NBAS: variants seen among roughly 807,000 people sequenced by gnomAD.
The protein encoded by NBAS is NBAS subunit of NRZ tethering complex, also known as NAG/BC035112 fusion.
Under a neutral mutation model 302.5 loss-of-function variants are expected in NBAS, and 219 were observed. The observed-to-expected ratio is 0.72, with a 90% CI of 0.65 to 0.81. The LOEUF (loss-of-function observed/expected upper bound fraction) is 0.81. Ranked by LOEUF, NBAS falls within the 30% of genes least tolerant of loss-of-function variation. The pLI is 0.00. For missense variants in NBAS, 2,932 were observed against 2,841.6 expected (o/e 1.03, Z -0.72); for synonymous variants, 1,118 against 1,021.6 (o/e 1.09, Z -1.80).
the NBAS span, among the ~76,000 whole-genome samples, chr2:14,947,912 G>A: frequency 1.3e-5 from 2 of 151,882 alleles, no homozygotes; most frequent in African/African-American, 4.8e-5. Context: ...TTAATGTGAT[G>A]TATCATTATT....
the NBAS span, among the ~76,000 whole-genome samples, chr2:14,789,996 T>C: frequency 6.6e-6 from 1 of 152,218 alleles, no homozygotes; most frequent in South Asian, 2.1e-4. Flanking sequence ...AAGAATTACA[T>C]TTATTGAGCT....
At chr2:15,549,323 A>G (rs1664265765) in intron 6 of NBAS, among the ~76,000 whole-genome samples, 1 of 152,144 alleles carries the variant, frequency 6.6e-6, no homozygotes, top group South Asian at 2.1e-4. Context: ...GGATTACTAG[A>G]GGGCATACAG....
the NBAS span, among the ~76,000 whole-genome samples, chr2:15,068,286 G>A: frequency 4.6e-5 from 7 of 152,174 alleles, no homozygotes; most frequent in Non-Finnish European, 8.8e-5. Context: ...TATGTGGGGG[G>A]AAACATCTGT....
In NBAS at chr2:15,292,839, G is replaced by A. The variant is rs1670373488; in HGVS notation, c.4798-73C>T. On this transcript the variant is annotated intron_variant, in intron 40 of 51. Coordinates refer to ENST00000281513, the MANE Select transcript of NBAS (RefSeq NM_015909.4). ...ACGAGCAAGTGAGTAACAAATGGAA[G>A]AAGACCATGTCTGCAAGGAACTGTT... 18 of 1,395,014 alleles carry A rather than the reference G, an allele frequency of 1.3e-5. 1 individual carries two copies. The South Asian group carries it at 1.9e-4, about 15-fold the overall frequency. The allele number at this position is 1,395,014 out of a possible 1,614,324, so 86.4% of individuals were successfully genotyped here.
In NBAS at chr2:15,471,742, T is replaced by C. The variant is rs187119199; in HGVS notation, c.1725+1480A>G. 7.2e-5 allele frequency among the ~76,000 whole-genome samples: 11 copies of C among 152,286 alleles called. 1 individual carries two copies. In the South Asian group the frequency reaches 1.5e-3, roughly 20 times the overall value. On this transcript the variant is annotated intron_variant, in intron 16 of 51. Coordinates refer to ENST00000281513, the MANE Select transcript of NBAS (RefSeq NM_015909.4). ...TGAGAGTGGAGGCCCCATGATAGGA[T>C]TGGTGTCCTCATAAGAGGAGGCAGT...
the NBAS span, among the ~76,000 whole-genome samples, chr2:14,854,550 A>G: frequency 6.6e-6 from 1 of 151,994 alleles, no homozygotes; most frequent in East Asian, 1.9e-4. Context: ...TTAAAAAAAA[A>G]AAAGTCCAGA....
At chr2:15,349,370 T>A (rs1401598750) in intron 35 of NBAS, among the ~76,000 whole-genome samples, 1 of 152,186 alleles carries the variant, frequency 6.6e-6, no homozygotes, top group Non-Finnish European at 1.5e-5. Flanking sequence ...CAAAGAAATG[T>A]AATGTGTTTT....
chr2:15,366,342 T>C (rs1164382532), intron 32 of NBAS, among the ~76,000 whole-genome samples: 1 of 152,186 alleles, frequency 6.6e-6, no homozygotes, highest in Non-Finnish European at 1.5e-5. Flanking sequence ...CACATTTTTA[T>C]AACACGTCAA....
At chr2:15,086,290 G>T in the NBAS span, among the ~76,000 whole-genome samples, 4 of 152,126 alleles carry the variant, frequency 2.6e-5, no homozygotes, top group Non-Finnish European at 5.9e-5. Flanking sequence ...TCTCCTCTCT[G>T]CTAGAAGCTG....
At chr2:15,454,077 T>C (rs778085568) in intron 21 of NBAS, among the ~76,000 whole-genome samples, 43 of 152,118 alleles carry the variant, frequency 2.8e-4, no homozygotes, top group Non-Finnish European at 5.9e-4. Context: ...ACACCCTGTC[T>C]AGTAACAGCT....
At chr2:15,406,586 T>C (rs546339511) in intron 25 of NBAS, among the ~76,000 whole-genome samples, 5 of 152,220 alleles carry the variant, frequency 3.3e-5, no homozygotes, top group South Asian at 2.1e-4. Flanking sequence ...AGTGAAAACA[T>C]TGTATGACAC....
At chr2:15,018,703 A>G in the NBAS span, among the ~76,000 whole-genome samples, 3 of 152,122 alleles carry the variant, frequency 2.0e-5, no homozygotes, top group South Asian at 6.2e-4. Context: ...AGAGGAAGGT[A>G]GTTTGAAAAC....
At chr2:15,316,099 T>G (rs1671496065) in intron 38 of NBAS, among the ~76,000 whole-genome samples, 1 of 152,140 alleles carries the variant, frequency 6.6e-6, no homozygotes. Flanking sequence ...CCATTAAACA[T>G]AAAAAATAAA....
At chr2:14,939,004 T>G in the NBAS span, among the ~76,000 whole-genome samples, 1 of 152,134 alleles carries the variant, frequency 6.6e-6, no homozygotes, top group African/African-American at 2.4e-5. Context: ...CCAAACAAGC[T>G]CACAAATACC....
intron 21 of NBAS, among the ~76,000 whole-genome samples, chr2:15,448,495 C>T (rs1373166364): frequency 6.6e-6 from 1 of 152,160 alleles, no homozygotes; most frequent in Non-Finnish European, 1.5e-5. Flanking sequence ...TGTACTCACA[C>T]AAGACGTACG....
intron 32 of NBAS, 131 bp downstream of exon 32, chr2:15,366,449 C>T (rs1674202697): frequency 2.3e-6 from 2 of 862,244 alleles, no homozygotes; most frequent in Admixed American, 2.0e-5. Flanking sequence ...GCCTGAGCAA[C>T]AGAGCGAGAC....
chr2:14,920,808 C>T, the NBAS span, among the ~76,000 whole-genome samples: 1 of 152,116 alleles, frequency 6.6e-6, no homozygotes, highest in South Asian at 2.1e-4. Context: ...GACCTTGATC[C>T]AGATTAGGCT....
chr2:15,016,229 G>A, the NBAS span, among the ~76,000 whole-genome samples: 1 of 152,088 alleles, frequency 6.6e-6, no homozygotes, highest in Admixed American at 6.6e-5. Flanking sequence ...TGACAGCCAA[G>A]CAAAAGGAGA....
chr2:14,863,541 G>T, the NBAS span, among the ~76,000 whole-genome samples: 8 of 152,288 alleles, frequency 5.3e-5, no homozygotes, highest in Non-Finnish European at 1.0e-4. Flanking sequence ...TCGTAAGGTT[G>T]GTTAATCAGT....
Sources: allele counts gnomAD v4.1 joint callset (sites outside exome capture counted in the v4.1 genomes callset), GRCh38; gene constraint gnomAD v4.1.1; transcripts MANE v1.5; gene names NCBI Gene and HGNC (gene_info 2026-07-23, HGNC 2026-07-21).